Variants in CSMD1 observed in about 807,000 individuals in gnomAD.
The protein encoded by CSMD1 is CUB and sushi domain-containing protein 1.
In CSMD1, 213 loss-of-function variants were observed where a neutral mutation model predicts 417.5. The observed-to-expected ratio is 0.51, with a 90% confidence interval of 0.46 to 0.57. The LOEUF is 0.57. Among genes scored for constraint, CSMD1 ranks in the 20% least tolerant of loss-of-function variants. CSMD1 has a pLI of 0.00. For missense variants in CSMD1, 6,923 were observed against 4,529.7 expected (o/e 1.53, Z -15.17); for synonymous variants, 2,862 against 1,736.8 (o/e 1.65, Z -16.11).
intron 1 of CSMD1, among the ~76,000 whole-genome samples, chr8:4,990,013 A>G (rs939899732): frequency 1.3e-5 from 2 of 152,210 alleles, no homozygotes; most frequent in African/African-American, 4.8e-5. Flanking sequence ...ATGATTGGCC[A>G]GCTGAAAGCC....
chr8:4,914,353 G>C (rs1585317901), intron 1 of CSMD1, among the ~76,000 whole-genome samples: 2 of 152,072 alleles, frequency 1.3e-5, no homozygotes. Context: ...GAGGCAGGCA[G>C]ATCACGAGGT....
At chr8:3,823,901 A>G (rs960734113) in intron 5 of CSMD1, among the ~76,000 whole-genome samples, 14 of 152,196 alleles carry the variant, frequency 9.2e-5, no homozygotes, top group African/African-American at 3.1e-4. Flanking sequence ...TAACGATTAA[A>G]TATTCATTTT....
chr8:4,472,139 C>A (rs1233071846), intron 2 of CSMD1, among the ~76,000 whole-genome samples: 20 of 152,092 alleles, frequency 1.3e-4, no homozygotes, highest in Admixed American at 1.3e-3. Flanking sequence ...ATCGATGTGT[C>A]TTGATTGTCA....
chr8:3,274,869 T>G (rs1333336176), intron 26 of CSMD1, among the ~76,000 whole-genome samples: 1 of 152,218 alleles, frequency 6.6e-6, no homozygotes, highest in Non-Finnish European at 1.5e-5. Flanking sequence ...TGATGGGTCT[T>G]GACTCTGTGT....
chr8:3,669,024 T>C (rs1392758824), intron 7 of CSMD1, among the ~76,000 whole-genome samples: 1 of 152,170 alleles, frequency 6.6e-6, no homozygotes, highest in Admixed American at 6.5e-5. Flanking sequence ...ACAGACGTTA[T>C]ACCTTTAGAG....
At chr8:3,452,955 T>C (rs1357424980) in intron 12 of CSMD1, among the ~76,000 whole-genome samples, 1 of 152,194 alleles carries the variant, frequency 6.6e-6, no homozygotes, top group Non-Finnish European at 1.5e-5. Context: ...TCTGGACTTT[T>C]TTTGGTTGGT....
In CSMD1 at chr8:4,516,883, A is replaced by G. The variant is rs537083527; in HGVS notation, c.303-96818T>C. Among the ~76,000 whole-genome samples, 112 of 152,236 alleles carry G rather than the reference A, an allele frequency of 7.4e-4. 1 individual carries two copies. The highest frequency in any genetic ancestry group is 2.6e-3 in the African/African-American group (107 of 41,552). On this transcript the variant is annotated intron_variant, in intron 2 of 69. Coordinates refer to ENST00000635120, the MANE Select transcript of CSMD1 (RefSeq NM_033225.6). ...TCTTTATACTAGCTCTAGGGTGAATACAAATATAATATAATATTTTTATAA... is the reference window on the plus strand; with the variant it reads ...TCTTTATACTAGCTCTAGGGTGAATGCAAATATAATATAATATTTTTATAA...
At chr8:4,647,978 G>C (rs1302758227) in intron 1 of CSMD1, among the ~76,000 whole-genome samples, 5 of 152,168 alleles carry the variant, frequency 3.3e-5, no homozygotes, top group African/African-American at 1.2e-4. Context: ...CTAGATCCTT[G>C]AGGAACTGCC....
chr8:4,724,510 TTA>T lies in CSMD1; in HGVS notation c.86-86954_86-86953del, dbSNP rs35680832. Among the ~76,000 whole-genome samples the T allele has an allele frequency of 6.9e-3, 999 of 144,960 alleles. 12 individuals are homozygous for T. The highest frequency in any genetic ancestry group is 0.025 in the East Asian group (128 of 5,054). Reference sequence around the variant, plus strand: ...TTATAAGTACTAATATAGTAGCTCTTTATATATATATGTGTGTGTGTGTGTGT... The same window carrying T: ...TTATAAGTACTAATATAGTAGCTCTTTATATATATGTGTGTGTGTGTGTGT... On this transcript the variant is annotated intron_variant, in intron 1 of 69. Transcript: ENST00000635120.
At chr8:3,812,088 A>G (rs893252267) in intron 5 of CSMD1, among the ~76,000 whole-genome samples, 1 of 152,204 alleles carries the variant, frequency 6.6e-6, no homozygotes, top group Admixed American at 6.5e-5. Flanking sequence ...GGGGTAATGA[A>G]TAAAAAGCTA....
intron 5 of CSMD1, among the ~76,000 whole-genome samples, chr8:3,822,850 G>A (rs1801815628): frequency 1.3e-5 from 2 of 152,100 alleles, no homozygotes; most frequent in Admixed American, 6.6e-5. Context: ...AATGAGCTAT[G>A]CATGTGGTAT....
intron 5 of CSMD1, among the ~76,000 whole-genome samples, chr8:3,913,657 G>T (rs957775706): frequency 1.3e-5 from 2 of 152,170 alleles, no homozygotes; most frequent in Non-Finnish European, 2.9e-5. Flanking sequence ...AGACATTTGG[G>T]TCAGGGCCAT....
At position 3,314,376 on chromosome 8, in the gene CSMD1, C is replaced by T. The variant is rs377694131; in HGVS notation, c.3632-5873G>A. ...GACTTTTGACTGATCAATTTTAAGC[C>T]TGCTGAAGAGTAGTAACTTTAAAAA... On this transcript the variant is annotated intron_variant, in intron 23 of 69. Coordinates refer to ENST00000635120, the MANE Select transcript of CSMD1 (RefSeq NM_033225.6). Among the ~76,000 whole-genome samples the T allele has an allele frequency of 1.8e-4, 28 of 152,182 alleles. No homozygotes were observed. The East Asian group carries it at 5.4e-3, about 29-fold the overall frequency.
At chr8:4,419,533 C>T (rs904784936) in intron 3 of CSMD1, among the ~76,000 whole-genome samples, 3 of 152,134 alleles carry the variant, frequency 2.0e-5, no homozygotes, top group African/African-American at 7.2e-5. Context: ...TTAAAAATTT[C>T]AGCTTTGACA....
At chr8:4,771,374 G>C (rs1417489909) in intron 1 of CSMD1, among the ~76,000 whole-genome samples, 4 of 152,312 alleles carry the variant, frequency 2.6e-5, no homozygotes, top group African/African-American at 9.6e-5. Flanking sequence ...GCCCTCTTCA[G>C]GGAAATTGCA....
At chr8:4,565,311 T>C (rs1384797393) in intron 2 of CSMD1, among the ~76,000 whole-genome samples, 2 of 152,230 alleles carry the variant, frequency 1.3e-5, no homozygotes, top group African/African-American at 4.8e-5. Flanking sequence ...TAAATCAGTC[T>C]TAGGCAGTGA....
In CSMD1 at chr8:3,158,835, G is replaced by C. The variant is rs76201267; in HGVS notation, c.5845-869C>G. Among the ~76,000 whole-genome samples the C allele has an allele frequency of 4.5e-3, 681 of 152,158 alleles. 16 individuals are homozygous for C. In the South Asian group the frequency reaches 0.049, roughly 11 times the overall value. Reference sequence around the variant, plus strand: ...CCATTTGCCACCCACAATTGGCATAGAGGCAATTGAAAAACAATATCTAAT... The same window carrying C: ...CCATTTGCCACCCACAATTGGCATACAGGCAATTGAAAAACAATATCTAAT... On this transcript the variant is annotated intron_variant, in intron 38 of 69. Coordinates refer to ENST00000635120, the MANE Select transcript of CSMD1 (RefSeq NM_033225.6).
intron 1 of CSMD1, among the ~76,000 whole-genome samples, chr8:4,660,830 G>C (rs571937533): frequency 1.3e-5 from 2 of 152,168 alleles, no homozygotes; most frequent in African/African-American, 4.8e-5. Flanking sequence ...ACATTTCACT[G>C]AAGATAGGCA....
chr8:4,854,505 G>A (rs1801675466), intron 1 of CSMD1, among the ~76,000 whole-genome samples: 1 of 152,154 alleles, frequency 6.6e-6, no homozygotes, highest in Admixed American at 6.5e-5. Flanking sequence ...GAGGTACCGG[G>A]TTCATCTCAC....
Sources: gnomAD v4.1 joint callset for allele counts (sites outside exome capture counted in the v4.1 genomes callset) on GRCh38, gnomAD v4.1.1 for gene constraint, MANE v1.5 for transcripts, NCBI Gene and HGNC (gene_info 2026-07-23, HGNC 2026-07-21) for gene names.